MYO5A: variants seen among roughly 807,000 people sequenced by gnomAD.
MYO5A encodes myosin VA.
In MYO5A, 98 loss-of-function variants were observed where a neutral mutation model predicts 249.7. The observed-to-expected ratio is 0.39, with a 90% CI of 0.33 to 0.46. The LOEUF is 0.46. MYO5A is among the 20% of genes least tolerant of loss of function. MYO5A has a pLI of 0.98. For synonymous variants in MYO5A, 778 were observed against 810.6 expected (o/e 0.96, Z 0.68); for missense variants, 1,696 against 2,308.8 (o/e 0.73, Z 5.44).
At chr15:52,439,396 T>C (rs2075738339) in intron 1 of MYO5A, among the ~76,000 whole-genome samples, 1 of 152,224 alleles carries the variant, frequency 6.6e-6, no homozygotes, top group South Asian at 2.1e-4. Context: ...TGAGAGTCTC[T>C]CAAACATCTC....
intron 1 of MYO5A, among the ~76,000 whole-genome samples, chr15:52,436,308 A>G (rs1254391618): frequency 6.6e-6 from 1 of 152,210 alleles, no homozygotes; most frequent in African/African-American, 2.4e-5. Context: ...TTCCCCTGCC[A>G]ACCTCTAAGC....
chr15:52,474,883 A>T (rs2076557880), intron 1 of MYO5A, among the ~76,000 whole-genome samples: 1 of 152,352 alleles, frequency 6.6e-6, no homozygotes, highest in East Asian at 1.9e-4. Flanking sequence ...CTTTGGTATC[A>T]GGATGATGCT....
At chr15:52,384,067 G>A in intron 15 of MYO5A, 94 bp downstream of exon 15, 2 of 1,506,758 alleles carry the variant, frequency 1.3e-6, no homozygotes, top group Non-Finnish European at 1.8e-6. Flanking sequence ...CTCCTCACCT[G>A]AGGATCCCAC....
intron 4 of MYO5A, among the ~76,000 whole-genome samples, chr15:52,423,122 G>T (rs767487922): frequency 6.6e-6 from 1 of 152,050 alleles, no homozygotes. Flanking sequence ...GCGTTTGGAC[G>T]GTGTTCAATA....
chr15:52,453,832 C>T (rs1423849226), intron 1 of MYO5A, among the ~76,000 whole-genome samples: 1 of 151,750 alleles, frequency 6.6e-6, no homozygotes, highest in African/African-American at 2.4e-5. Context: ...TTCTATAAGT[C>T]TCATGGTAAC....
chr15:52,314,000 CAA>C (rs2037870111), intron 41 of MYO5A, 121 bp downstream of exon 41: 5 of 1,298,074 alleles, frequency 3.9e-6, no homozygotes, highest in Non-Finnish European at 5.5e-6. Context: ...TAACTATTAT[CAA>C]AAAAGTTAGT....
intron 1 of MYO5A, among the ~76,000 whole-genome samples, chr15:52,443,765 G>A (rs2075833457): frequency 6.6e-6 from 1 of 151,630 alleles, no homozygotes; most frequent in Non-Finnish European, 1.5e-5. Context: ...TGGATTGTCT[G>A]AGCTCAGGAG....
At chr15:52,369,864 A>T (rs1362674352) in intron 22 of MYO5A, among the ~76,000 whole-genome samples, 1 of 131,642 alleles carries the variant, frequency 7.6e-6, no homozygotes. Context: ...TATGCCCCAG[A>T]CTGACTTTTT....
At chr15:52,507,977 ATATGTATG>A in intron 1 of MYO5A, among the ~76,000 whole-genome samples, 1 of 152,294 alleles carries the variant, frequency 6.6e-6, no homozygotes, top group East Asian at 1.9e-4. Context: ...CTTTACATAT[ATATGTATG>A]TATCTAATCT....
intron 1 of MYO5A, among the ~76,000 whole-genome samples, chr15:52,475,845 T>G (rs2076580202): frequency 2.0e-5 from 3 of 152,248 alleles, no homozygotes; most frequent in Admixed American, 6.5e-5. Context: ...AATGTGGTGC[T>G]GAGAAGAATG....
intron 24 of MYO5A, 149 bp downstream of exon 24, chr15:52,364,405 G>C (rs1038001734): frequency 1.5e-6 from 1 of 677,640 alleles, no homozygotes; most frequent in African/African-American, 1.8e-5. Flanking sequence ...GTGGGTTGGG[G>C]AGATGGAATG....
chr15:52,381,924 C>T (rs1055810399), intron 16 of MYO5A, among the ~76,000 whole-genome samples: 2 of 152,106 alleles, frequency 1.3e-5, no homozygotes, highest in Non-Finnish European at 2.9e-5. Context: ...TTTTTTGAGA[C>T]GAAGTCTCAC....
intron 1 of MYO5A, among the ~76,000 whole-genome samples, chr15:52,500,752 G>A (rs182126958): frequency 9.4e-4 from 143 of 152,050 alleles, no homozygotes; most frequent in African/African-American, 3.2e-3. Flanking sequence ...GCCTTTCTTA[G>A]TACCCTCCAA....
intron 23 of MYO5A, among the ~76,000 whole-genome samples, chr15:52,365,846 C>T (rs1188839787): frequency 1.3e-5 from 2 of 152,240 alleles, no homozygotes; most frequent in Non-Finnish European, 2.9e-5. Flanking sequence ...TTACAGTTCA[C>T]TTTCAAATAA....
chr15:52,514,283 T>C (rs1195773310), intron 1 of MYO5A, among the ~76,000 whole-genome samples: 3 of 152,216 alleles, frequency 2.0e-5, no homozygotes, highest in Non-Finnish European at 2.9e-5. Context: ...GTATGGTATA[T>C]GAATTACAGC....
intron 2 of MYO5A, 69 bp downstream of exon 2, chr15:52,433,106 A>T: frequency 8.9e-7 from 1 of 1,128,732 alleles, no homozygotes; most frequent in Non-Finnish European, 1.4e-6. Flanking sequence ...AGTTTACTTC[A>T]CAGTAAATTT....
intron 29 of MYO5A, among the ~76,000 whole-genome samples, chr15:52,348,071 G>C (rs1052396784): frequency 5.3e-5 from 8 of 152,176 alleles, no homozygotes; most frequent in Admixed American, 1.3e-4. Context: ...GAGAAGAAAG[G>C]CTTCTTAGTA....
At chr15:52,375,222 A>C in intron 20 of MYO5A, 82 bp downstream of exon 20, 1 of 1,414,342 alleles carries the variant, frequency 7.1e-7, no homozygotes. Flanking sequence ...CCTTCATTGT[A>C]GCCCCTGTGG....
chr15:52,441,953 C>A (rs187597931), intron 1 of MYO5A, among the ~76,000 whole-genome samples: 14 of 152,336 alleles, frequency 9.2e-5, no homozygotes, highest in African/African-American at 3.4e-4. Flanking sequence ...TCTTACCAAA[C>A]ACTCCCAAAA....
Sources: gnomAD v4.1 joint callset for allele counts (sites outside exome capture counted in the v4.1 genomes callset) on GRCh38, gnomAD v4.1.1 for gene constraint, MANE v1.5 for transcripts, NCBI Gene and HGNC (gene_info 2026-07-23, HGNC 2026-07-21) for gene names.